The following GALNT17 variants were observed in gnomAD, a reference collection of about 807,000 sequenced individuals.
GALNT17 encodes the protein polypeptide N-acetylgalactosaminyltransferase 17.
GALNT17 carries 29 observed loss-of-function variants against 63.7 expected under a neutral mutation model. The ratio of observed to expected loss-of-function variants is 0.46; its 90% confidence interval spans 0.34 to 0.62. The LOEUF is 0.62. Among genes scored for constraint, GALNT17 ranks in the 20% least tolerant of loss-of-function variants. The pLI is 0.01. For missense variants in GALNT17, 603 were observed against 799.6 expected, an observed-to-expected ratio of 0.75 and a Z score of 2.97; for synonymous variants, 305 against 318.3, an observed-to-expected ratio of 0.96 and a Z score of 0.45.
chr7:71,387,297 C>G (rs558880622), intron 2 of GALNT17, among the ~76,000 whole-genome samples: 1 of 150,170 alleles, frequency 6.7e-6, no homozygotes, highest in South Asian at 2.2e-4. Flanking sequence ...TTTGCACCAA[C>G]CTAATACATC....
intron 1 of GALNT17, among the ~76,000 whole-genome samples, chr7:71,306,855 G>T (rs760767541): frequency 6.6e-6 from 1 of 151,918 alleles, no homozygotes. Context: ...ACAGAGTCTC[G>T]CTCTGTTGCC....
At chr7:71,491,306 G>T (rs1431876641) in intron 5 of GALNT17, among the ~76,000 whole-genome samples, 4 of 152,200 alleles carry the variant, frequency 2.6e-5, no homozygotes, top group Non-Finnish European at 5.9e-5. Flanking sequence ...TGAGTAGCTG[G>T]CAGTGACGGG....
intron 5 of GALNT17, among the ~76,000 whole-genome samples, chr7:71,511,285 G>C (rs934749955): frequency 2.6e-5 from 4 of 152,126 alleles, no homozygotes; most frequent in African/African-American, 7.2e-5. Flanking sequence ...CTTGGATTTG[G>C]CAAGGATCAG....
chr7:71,403,211 A>G (rs1015442457), intron 3 of GALNT17, among the ~76,000 whole-genome samples: 1 of 152,230 alleles, frequency 6.6e-6, no homozygotes, highest in Non-Finnish European at 1.5e-5. Flanking sequence ...TTTTAGTTCA[A>G]ACTAATTATA....
chr7:71,667,508 A>G (rs543251224), intron 7 of GALNT17, among the ~76,000 whole-genome samples: 2 of 152,350 alleles, frequency 1.3e-5, no homozygotes, highest in East Asian at 3.9e-4. Flanking sequence ...TTCCTCATCT[A>G]TAAACATGGA....
chr7:71,671,890 C>A (rs1384420518), intron 8 of GALNT17, among the ~76,000 whole-genome samples: 1 of 151,908 alleles, frequency 6.6e-6, no homozygotes, highest in Non-Finnish European at 1.5e-5. Flanking sequence ...ACTAGCTGAG[C>A]GTGGTGGCTG....
chr7:71,279,080 C>A (rs748216333), intron 1 of GALNT17, among the ~76,000 whole-genome samples: 20 of 151,986 alleles, frequency 1.3e-4, no homozygotes, highest in Non-Finnish European at 2.9e-4. Context: ...AACGCACCAC[C>A]ACGTCCAGCT....
At chr7:71,562,060 A>G (rs1328613340) in intron 5 of GALNT17, among the ~76,000 whole-genome samples, 1 of 151,820 alleles carries the variant, frequency 6.6e-6, no homozygotes, top group Non-Finnish European at 1.5e-5. Flanking sequence ...GGCTCAAGTG[A>G]TTCTCCAGCC....
chr7:71,637,145 A>G (rs528748621), intron 6 of GALNT17, among the ~76,000 whole-genome samples: 5 of 152,300 alleles, frequency 3.3e-5, no homozygotes, highest in African/African-American at 9.6e-5. Flanking sequence ...ACACAGTTAC[A>G]TGCTAGCTCT....
intron 1 of GALNT17, among the ~76,000 whole-genome samples, chr7:71,247,298 G>A (rs182318681): frequency 6.6e-6 from 1 of 152,216 alleles, no homozygotes; most frequent in East Asian, 1.9e-4. Context: ...TACTAACCTC[G>A]TTATAGCTTT....
chr7:71,530,944 C>CT (rs1008362117), intron 5 of GALNT17, among the ~76,000 whole-genome samples: 21 of 152,236 alleles, frequency 1.4e-4, no homozygotes, highest in South Asian at 2.1e-4. Flanking sequence ...TCCAACAGAA[C>CT]TTTCTGTGAT....
intron 6 of GALNT17, among the ~76,000 whole-genome samples, chr7:71,629,476 C>T (rs1453460141): frequency 6.6e-6 from 1 of 151,994 alleles, no homozygotes; most frequent in African/African-American, 2.4e-5. Context: ...TCTCTAGGTT[C>T]GTTTTTATTT....
chr7:71,450,840 T>C (rs1164315066), intron 5 of GALNT17, among the ~76,000 whole-genome samples: 1 of 152,196 alleles, frequency 6.6e-6, no homozygotes, highest in African/African-American at 2.4e-5. Context: ...TCTAAGAGCA[T>C]TATATAAGCT....
In GALNT17 at chr7:71,286,802, T is replaced by TTTG. The variant is rs1465971854; in HGVS notation, c.239-48746_239-48745insGTT. Among the ~76,000 whole-genome samples, 445 of 143,670 alleles carry TTTG rather than the reference T, an allele frequency of 3.1e-3. 1 individual carries two copies. The highest frequency in any genetic ancestry group is 0.015 in the Middle Eastern group (4 of 266). The allele number at this position is 143,670 out of a possible 152,430, so 94.3% of individuals were successfully genotyped here. On this transcript the variant is annotated intron_variant, in intron 1 of 10. Coordinates refer to ENST00000333538, the MANE Select transcript of GALNT17 (RefSeq NM_022479.3). The stretch of plus-strand genomic sequence containing the variant: ...TATGTTTTTGTTTGTTTGTTTGTTT[T>TTTG]TTTGAGACAGGGTCTCACTCTTTGG...
chr7:71,283,363 A>G (rs1453456161), intron 1 of GALNT17, among the ~76,000 whole-genome samples: 2 of 152,116 alleles, frequency 1.3e-5, no homozygotes, highest in Non-Finnish European at 2.9e-5. Context: ...TTTGTGGTTC[A>G]AATTTTTGTC....
chr7:71,681,069 T>C (rs1159661433), intron 9 of GALNT17, among the ~76,000 whole-genome samples: 1 of 152,052 alleles, frequency 6.6e-6, no homozygotes, highest in African/African-American at 2.4e-5. Context: ...TCCACTCAAT[T>C]TTCCATTTTT....
At chr7:71,174,829 T>C (rs914448090) in intron 1 of GALNT17, among the ~76,000 whole-genome samples, 3 of 152,196 alleles carry the variant, frequency 2.0e-5, no homozygotes, top group Admixed American at 1.3e-4. Flanking sequence ...TGTAGACGTG[T>C]AGGTCACAGG....
chr7:71,232,836 G>A (rs1405049253), intron 1 of GALNT17, among the ~76,000 whole-genome samples: 2 of 152,162 alleles, frequency 1.3e-5, no homozygotes, highest in East Asian at 1.9e-4. Flanking sequence ...GTGGTGGGCT[G>A]TCATGGTGCT....
At chr7:71,648,513 T>C (rs1790713055) in intron 6 of GALNT17, among the ~76,000 whole-genome samples, 1 of 152,220 alleles carries the variant, frequency 6.6e-6, no homozygotes, top group African/African-American at 2.4e-5. Context: ...TGACCTCAAG[T>C]GATCCTCCCT....
Sources: gnomAD v4.1 joint callset for allele counts (sites outside exome capture counted in the v4.1 genomes callset) on GRCh38, gnomAD v4.1.1 for gene constraint, MANE v1.5 for transcripts, NCBI Gene and HGNC (gene_info 2026-07-23, HGNC 2026-07-21) for gene names.